The following FAM13A variants were observed in gnomAD, a reference collection of about 807,000 sequenced individuals.
FAM13A encodes family with sequence similarity 13 member A, also known as protein FAM13A.
A neutral mutation model predicts 129.6 loss-of-function variants in FAM13A; 76 were observed. That is an observed-to-expected ratio of 0.59 (90% CI 0.49 to 0.71). The LOEUF is 0.71. Ranked by LOEUF, FAM13A falls within the 30% of genes least tolerant of loss-of-function variation. FAM13A has a pLI of 0.00. For missense variants in FAM13A, 1,108 were observed against 1,249.3 expected (o/e 0.89, Z 1.70); for synonymous variants, 443 against 449.9 (o/e 0.98, Z 0.20).
chr4:88,836,831 G>A (rs1043189955), intron 7 of FAM13A, among the ~76,000 whole-genome samples: 6 of 151,742 alleles, frequency 4.0e-5, no homozygotes, highest in African/African-American at 7.3e-5. Context: ...ATGGTGGCGG[G>A]TGTTTGTAAT....
At chr4:89,032,390 T>C (rs746473821) in intron 1 of FAM13A, among the ~76,000 whole-genome samples, 3 of 152,236 alleles carry the variant, frequency 2.0e-5, no homozygotes, top group Non-Finnish European at 4.4e-5. Context: ...TGTGTGTTTG[T>C]GTGTGTATAA....
At chr4:88,923,383 C>G (rs181197481) in intron 5 of FAM13A, among the ~76,000 whole-genome samples, 1 of 152,304 alleles carries the variant, frequency 6.6e-6, no homozygotes, top group Non-Finnish European at 1.5e-5. Flanking sequence ...CCCTGGGATG[C>G]AAGGCTGGTT....
At chr4:88,969,153 A>T (rs985919795) in intron 4 of FAM13A, among the ~76,000 whole-genome samples, 3 of 152,216 alleles carry the variant, frequency 2.0e-5, no homozygotes, top group Admixed American at 1.3e-4. Context: ...CCACTAAAGA[A>T]CTTACTCATG....
chr4:88,928,112 T>C (rs1051672139), intron 5 of FAM13A, among the ~76,000 whole-genome samples: 2 of 152,154 alleles, frequency 1.3e-5, no homozygotes, highest in Non-Finnish European at 2.9e-5. Context: ...CAGGAGCATG[T>C]TGTTTAATTT....
chr4:88,979,200 G>T (rs1761317328), intron 4 of FAM13A, among the ~76,000 whole-genome samples: 1 of 152,156 alleles, frequency 6.6e-6, no homozygotes, highest in Non-Finnish European at 1.5e-5. Flanking sequence ...ATAATAATAT[G>T]AGTACTAGAG....
intron 6 of FAM13A, among the ~76,000 whole-genome samples, chr4:88,882,826 T>A (rs1743808793): frequency 6.6e-6 from 1 of 152,106 alleles, no homozygotes; most frequent in Non-Finnish European, 1.5e-5. Context: ...GAAAAAGATA[T>A]TTAATGCAAA....
At chr4:88,824,153 T>A (rs1436362139) in intron 7 of FAM13A, among the ~76,000 whole-genome samples, 1 of 152,222 alleles carries the variant, frequency 6.6e-6, no homozygotes, top group East Asian at 1.9e-4. Flanking sequence ...ATAGATTTTA[T>A]ACATTTTAAG....
At chr4:88,891,454 G>C (rs1333120561) in intron 6 of FAM13A, among the ~76,000 whole-genome samples, 1 of 151,950 alleles carries the variant, frequency 6.6e-6, no homozygotes, top group African/African-American at 2.4e-5. Context: ...AAAAAGAAGA[G>C]GGACTCTCTC....
intron 1 of FAM13A, among the ~76,000 whole-genome samples, chr4:89,046,130 A>C (rs1412626950): frequency 6.6e-6 from 1 of 152,168 alleles, no homozygotes; most frequent in Non-Finnish European, 1.5e-5. Flanking sequence ...ACAAAGGCTA[A>C]GAGAATACTG....
chr4:88,948,491 A>G (rs1287627753), intron 4 of FAM13A, among the ~76,000 whole-genome samples: 2 of 151,230 alleles, frequency 1.3e-5, no homozygotes, highest in Non-Finnish European at 3.0e-5. Context: ...AATGGCCTGT[A>G]TCTTTTTTTT....
At chr4:89,038,841 C>T (rs1769734195) in intron 1 of FAM13A, among the ~76,000 whole-genome samples, 1 of 152,050 alleles carries the variant, frequency 6.6e-6, no homozygotes, top group Non-Finnish European at 1.5e-5. Flanking sequence ...AAAATATCAA[C>T]TGAAAGGTTG....
chr4:88,962,980 A>G (rs1758833360), intron 4 of FAM13A, among the ~76,000 whole-genome samples: 1 of 152,200 alleles, frequency 6.6e-6, no homozygotes, highest in African/African-American at 2.4e-5. Context: ...ATGCATTTTA[A>G]TTTCTGTGTA....
intron 4 of FAM13A, among the ~76,000 whole-genome samples, chr4:88,981,216 T>C (rs554382546): frequency 4.6e-5 from 7 of 152,288 alleles, no homozygotes; most frequent in South Asian, 2.1e-4. Context: ...TCAGTAGCAA[T>C]AGCAAATTTA....
chr4:88,804,458 C>T (rs1416896591), intron 8 of FAM13A, among the ~76,000 whole-genome samples: 1 of 151,958 alleles, frequency 6.6e-6, no homozygotes, highest in African/African-American at 2.4e-5. Context: ...ACTGGAAAAC[C>T]CTATCAGTAC....
At chr4:88,824,719 T>TATTTATTG in intron 7 of FAM13A, among the ~76,000 whole-genome samples, 1 of 152,108 alleles carries the variant, frequency 6.6e-6, no homozygotes, top group Non-Finnish European at 1.5e-5. Flanking sequence ...TTTATTTATT[T>TATTTATTG]ATTTTTGAGA....
At chr4:88,823,128 C>T (rs1011034262) in intron 7 of FAM13A, 5 of 1,510,412 alleles carry the variant, frequency 3.3e-6, no homozygotes, top group African/African-American at 2.8e-5. Flanking sequence ...CTGCACCGCA[C>T]GGCTGGAGAA....
intron 6 of FAM13A, among the ~76,000 whole-genome samples, chr4:88,892,245 T>C (rs957577604): frequency 6.9e-6 from 1 of 144,916 alleles, no homozygotes; most frequent in Non-Finnish European, 1.5e-5. Context: ...AGTGGCGAGA[T>C]CTCGGCTCAC....
At chr4:88,940,378 G>C (rs1754552115) in intron 4 of FAM13A, among the ~76,000 whole-genome samples, 1 of 152,160 alleles carries the variant, frequency 6.6e-6, no homozygotes, top group African/African-American at 2.4e-5. Flanking sequence ...ATAGTTACTT[G>C]AGAAGATCAA....
At chr4:88,738,646 G>A (rs1256818719) in intron 20 of FAM13A, among the ~76,000 whole-genome samples, 1 of 152,166 alleles carries the variant, frequency 6.6e-6, no homozygotes, top group East Asian at 1.9e-4. Flanking sequence ...TGGATGGGAG[G>A]GACTATGAGC....
Sources: allele counts gnomAD v4.1 joint callset (sites outside exome capture counted in the v4.1 genomes callset), GRCh38; gene constraint gnomAD v4.1.1; transcripts MANE v1.5; gene names NCBI Gene and HGNC (gene_info 2026-07-23, HGNC 2026-07-21).